SFSWAP: variants seen among roughly 807,000 people sequenced by gnomAD.
The protein encoded by SFSWAP is splicing factor, suppressor of white-apricot homolog.
A neutral mutation model predicts 100.7 loss-of-function variants in SFSWAP; 17 were observed. The ratio of observed to expected loss-of-function variants is 0.17; its 90% CI spans 0.12 to 0.25. SFSWAP has a LOEUF of 0.25. Ranked by LOEUF, SFSWAP falls within the 10% of genes least tolerant of loss-of-function variation. SFSWAP has a pLI of 1.00. For missense variants in SFSWAP, 1,005 were observed against 1,262.6 expected, an observed-to-expected ratio of 0.80 and a Z score of 3.09; for synonymous variants, 504 against 510.1, an observed-to-expected ratio of 0.99 and a Z score of 0.16.
At chr12:131,741,562 AG>A (rs1880635150) in intron 7 of SFSWAP, among the ~76,000 whole-genome samples, 1 of 148,314 alleles carries the variant, frequency 6.7e-6, no homozygotes, top group Admixed American at 6.8e-5. Flanking sequence ...GGCAGAGGGG[AG>A]GGCATCGAGG....
intron 13 of SFSWAP, among the ~76,000 whole-genome samples, chr12:131,770,172 A>G (rs755252242): frequency 6.6e-5 from 10 of 152,252 alleles, no homozygotes; most frequent in Non-Finnish European, 1.5e-4. Flanking sequence ...CCTTGACTTT[A>G]CTAAGTATTC....
Position 131,711,125 on chromosome 12 carries a change from G to A in SFSWAP, c.-105G>A. The A allele has an allele frequency of 1.1e-6, 1 of 897,576 alleles. No individual in the cohort carries two copies. The highest frequency in any genetic ancestry group is 1.6e-6 in the Non-Finnish European group (1 of 608,570). The allele number at this position is 897,576 out of a possible 1,614,324, so 55.6% of individuals were successfully genotyped here. A position where few individuals can be genotyped will look rare whatever the true frequency, so the allele number is the denominator to read the frequency against. The stretch of plus-strand genomic sequence containing the variant: ...CCGCTATGGCGGCGGTGTTGAGGTT[G>A]GGTACGGGATGCGGGGTCTTTGACT... On this transcript the variant is annotated 5_prime_UTR_variant, in exon 1 of 18. Coordinates refer to ENST00000261674, the MANE Select transcript of SFSWAP (RefSeq NM_004592.4). This position sits in a 1 kb window ranked among gnomAD's most constrained non-coding sequence, Gnocchi z 4.9.
chr12:131,795,050 C>T (rs1441595886), intron 15 of SFSWAP, among the ~76,000 whole-genome samples: 4 of 152,222 alleles, frequency 2.6e-5, no homozygotes, highest in Non-Finnish European at 5.9e-5. Context: ...TGTTTACAGA[C>T]AACAATTTCA....
At chr12:131,770,426 C>T (rs886559083) in intron 13 of SFSWAP, among the ~76,000 whole-genome samples, 2 of 152,170 alleles carry the variant, frequency 1.3e-5, no homozygotes, top group African/African-American at 4.8e-5. Flanking sequence ...TTACACAAGG[C>T]CTGGCATAAC....
intron 15 of SFSWAP, among the ~76,000 whole-genome samples, chr12:131,790,499 T>C (rs1885167052): frequency 6.6e-6 from 1 of 152,204 alleles, no homozygotes; most frequent in African/African-American, 2.4e-5. Flanking sequence ...ATTTTGAGTA[T>C]GTCATAAAAG....
At chr12:131,716,698 G>A (rs1018623021) in intron 3 of SFSWAP, among the ~76,000 whole-genome samples, 1 of 152,126 alleles carries the variant, frequency 6.6e-6, no homozygotes, top group Non-Finnish European at 1.5e-5. Flanking sequence ...TGCCACTTTC[G>A]CACTTCAGCA....
chr12:131,739,694 C>T (rs533784884), intron 7 of SFSWAP, among the ~76,000 whole-genome samples: 5 of 151,696 alleles, frequency 3.3e-5, no homozygotes, highest in East Asian at 1.9e-4. Context: ...TACAGGCGCC[C>T]GCCACCATGC....
At chr12:131,729,806 T>C (rs1879332894) in intron 7 of SFSWAP, among the ~76,000 whole-genome samples, 1 of 152,230 alleles carries the variant, frequency 6.6e-6, no homozygotes, top group South Asian at 2.1e-4. Context: ...CTTATCTCCT[T>C]CAGTTCAGCC....
chr12:131,760,902 T>A, intron 11 of SFSWAP, among the ~76,000 whole-genome samples: 1 of 152,126 alleles, frequency 6.6e-6, no homozygotes, highest in East Asian at 1.9e-4. Context: ...TGAAACCCTG[T>A]CTCTACTAAA....
rs903605963 is a variant in SFSWAP, at chr12:131,738,555, G to A, written c.1081+10127G>A. On this transcript the variant is annotated intron_variant, in intron 7 of 17. Coordinates refer to ENST00000261674, the MANE Select transcript of SFSWAP (RefSeq NM_004592.4). ...GCAATCTAAAAATGAAGTAACTGTC[G>A]AACTTCGGATGAAAGTTTCTTTTAT... Among the ~76,000 whole-genome samples, 12 of 152,258 alleles carry A rather than the reference G, an allele frequency of 7.9e-5. No homozygotes were observed. In the South Asian group the frequency reaches 1.0e-3, roughly 13 times the overall value.
chr12:131,793,546 A>T (rs774460084), intron 15 of SFSWAP, among the ~76,000 whole-genome samples: 5 of 152,170 alleles, frequency 3.3e-5, no homozygotes, highest in Non-Finnish European at 7.4e-5. Context: ...ATGTTCATGA[A>T]TTTGAGGGTG....
chr12:131,751,050 C>T (rs1443596119), intron 7 of SFSWAP, among the ~76,000 whole-genome samples: 1 of 152,084 alleles, frequency 6.6e-6, no homozygotes, highest in Non-Finnish European at 1.5e-5. Flanking sequence ...TTTGCCGGCA[C>T]TGCTATTTTT....
chr12:131,791,321 G>A (rs967535748), intron 15 of SFSWAP, among the ~76,000 whole-genome samples: 15 of 151,982 alleles, frequency 9.9e-5, no homozygotes, highest in African/African-American at 2.2e-4. Flanking sequence ...CCTGGGAGGC[G>A]GAGGCTGCAG....
intron 4 of SFSWAP, among the ~76,000 whole-genome samples, chr12:131,721,962 T>G (rs1313954047): frequency 6.6e-6 from 1 of 152,246 alleles, no homozygotes; most frequent in Non-Finnish European, 1.5e-5. Flanking sequence ...TTGGCAGTAA[T>G]TCATTGTGTA....
chr12:131,768,342 A>G (rs1883296068), intron 13 of SFSWAP, among the ~76,000 whole-genome samples: 2 of 152,186 alleles, frequency 1.3e-5, no homozygotes, highest in Non-Finnish European at 2.9e-5. Context: ...GTCCAGGGCC[A>G]TTATTGAAAA....
chr12:131,722,515 G>C (rs1878570231), intron 4 of SFSWAP, among the ~76,000 whole-genome samples: 2 of 152,190 alleles, frequency 1.3e-5, no homozygotes, highest in Non-Finnish European at 2.9e-5. Context: ...AAGTGGGGAA[G>C]GATTCGATAG....
chr12:131,754,638 T>G (rs1232175900), intron 9 of SFSWAP, 139 bp downstream of exon 9: 4 of 496,798 alleles, frequency 8.1e-6, no homozygotes, highest in Non-Finnish European at 9.0e-6. Flanking sequence ...TTTTTTTTTT[T>G]TTTTTTTTTT....
At chr12:131,753,463 A>T in intron 8 of SFSWAP, 100 bp downstream of exon 8, 1 of 1,426,506 alleles carries the variant, frequency 7.0e-7, no homozygotes, top group Non-Finnish European at 9.3e-7. Flanking sequence ...TCTAGATCAT[A>T]TACAGGGGTC....
chr12:131,741,145 T>C (rs1413654828), intron 7 of SFSWAP, among the ~76,000 whole-genome samples: 3 of 151,882 alleles, frequency 2.0e-5, no homozygotes, highest in Non-Finnish European at 4.4e-5. Flanking sequence ...CTAATTTTTG[T>C]ATTTTTAGTA....
Sources: gnomAD v4.1 joint callset for allele counts (sites outside exome capture counted in the v4.1 genomes callset) on GRCh38, gnomAD v4.1.1 for gene constraint, Gnocchi (gnomAD v3.1) non-coding constraint, MANE v1.5 for transcripts, NCBI Gene and HGNC (gene_info 2026-07-23, HGNC 2026-07-21) for gene names.